The following FARS2 variants were observed in gnomAD, a reference collection of about 807,000 sequenced individuals.
FARS2 encodes the protein phenylalanine--tRNA ligase, mitochondrial.
In FARS2, 40 loss-of-function variants were observed where a neutral mutation model predicts 46.4. The observed-to-expected ratio is 0.86, with a 90% CI of 0.67 to 1.12. FARS2 has a LOEUF of 1.12. FARS2 is among the 50% of genes most tolerant of loss of function. The pLI is 0.00. For missense variants in FARS2, 513 were observed against 567.9 expected (o/e 0.90, Z 0.98); for synonymous variants, 234 against 214.9 (o/e 1.09, Z -0.78).
the FARS2 span, among the ~76,000 whole-genome samples, chr6:5,250,531 TG>T: frequency 0.021 from 3,207 of 152,220 alleles, 101 homozygotes; most frequent in African/African-American, 0.072. Flanking sequence ...GAGAAAAAAA[TG>T]TTTTTTGGAA....
intron 4 of FARS2, among the ~76,000 whole-genome samples, chr6:5,479,585 T>C (rs528603548): frequency 6.6e-6 from 1 of 152,340 alleles, no homozygotes; most frequent in African/African-American, 2.4e-5. Flanking sequence ...TAACTTCTAC[T>C]TTTACATTAT....
chr6:5,479,625 C>T (rs1363394192), intron 4 of FARS2, among the ~76,000 whole-genome samples: 3 of 152,172 alleles, frequency 2.0e-5, no homozygotes, highest in Non-Finnish European at 4.4e-5. Flanking sequence ...CTTCTTATAA[C>T]AAATGCTGTT....
At position 5,368,794 on chromosome 6, in the gene FARS2, G is replaced by T. The variant is rs367691523; in HGVS notation, c.224G>T (p.Gly75Val). 6.2e-7 allele frequency: 1 copy of T among 1,614,060 alleles called. No homozygotes were observed. The highest frequency in any genetic ancestry group is 8.5e-7 in the Non-Finnish European group (1 of 1,180,034). ...NLTRKVLTRV[G>V]RNLHNQQHHP... ...ACCCGGAAGGTCCTCACCAGAGTTG[G>T]CAGGAACCTGCACAACCAGCAGCAT... Residue 75 changes from glycine (G) to valine (V), a missense_variant, in exon 2 of 7, where the codon GGC becomes GTC. By Grantham distance (109) the Gly-to-Val change is moderately radical. Transcript: ENST00000274680.
intron 6 of FARS2, among the ~76,000 whole-genome samples, chr6:5,688,539 C>G (rs1000588817): frequency 1.3e-5 from 2 of 152,220 alleles, no homozygotes; most frequent in African/African-American, 4.8e-5. Context: ...CCTTGCATCC[C>G]AGGGATGAAG....
intron 3 of FARS2, among the ~76,000 whole-genome samples, chr6:5,406,486 A>G (rs1375394123): frequency 1.3e-5 from 2 of 152,184 alleles, no homozygotes; most frequent in Admixed American, 1.3e-4. Flanking sequence ...TTCTGGTGCC[A>G]TTAATCAGTT....
chr6:5,438,045 A>T (rs1459556714), intron 4 of FARS2, among the ~76,000 whole-genome samples: 2 of 151,636 alleles, frequency 1.3e-5, no homozygotes, highest in African/African-American at 4.8e-5. Flanking sequence ...GGATTGATGG[A>T]TTTTTATTTT....
intron 6 of FARS2, among the ~76,000 whole-genome samples, chr6:5,657,131 G>A (rs868056235): frequency 6.6e-6 from 1 of 151,856 alleles, no homozygotes; most frequent in Non-Finnish European, 1.5e-5. Context: ...TATATATAAA[G>A]GCCTTGTGAA....
chr6:5,404,756 G>T, intron 3 of FARS2, 55 bp downstream of exon 3: 44 of 1,017,212 alleles, frequency 4.3e-5, no homozygotes, highest in Non-Finnish European at 5.4e-5. Context: ...TGGGACAGAA[G>T]TGTTTTGGAT....
chr6:5,354,024 T>C (rs112183717), intron 1 of FARS2, among the ~76,000 whole-genome samples: 5 of 138,324 alleles, frequency 3.6e-5, no homozygotes, highest in African/African-American at 8.1e-5. Context: ...TTTTTTTTTT[T>C]CCTCCCAAAT....
intron 4 of FARS2, among the ~76,000 whole-genome samples, chr6:5,482,321 A>T (rs1244298113): frequency 1.3e-5 from 2 of 152,176 alleles, no homozygotes; most frequent in African/African-American, 4.8e-5. Context: ...GCATCTTATT[A>T]TCTCTGATTT....
chr6:5,695,284 A>C (rs1215107775), intron 6 of FARS2: 1 of 152,228 alleles, frequency 6.6e-6, no homozygotes, highest in Non-Finnish European at 1.5e-5. Context: ...CCTGCTTCCT[A>C]GGAAGTTACA....
At position 5,278,081 on chromosome 6, in the gene FARS2, C is replaced by T. The variant is rs1226662239; in HGVS notation, c.-22+16421C>T. 4.6e-5 allele frequency among the ~76,000 whole-genome samples: 7 copies of T among 152,164 alleles called. No homozygotes were observed. In the South Asian group the frequency reaches 6.2e-4, roughly 13 times the overall value. On this transcript the variant is annotated intron_variant, in intron 1 of 6. Transcript: ENST00000274680. ...CTCACATAAAGCAGCTGACTGTTGA[C>T]GTTTTCAGTTATCACAGTGTGATCC... is the stretch of plus-strand genomic sequence containing the variant.
intron 6 of FARS2, among the ~76,000 whole-genome samples, chr6:5,767,724 G>A (rs1016797927): frequency 6.6e-6 from 1 of 152,204 alleles, no homozygotes; most frequent in Non-Finnish European, 1.5e-5. Flanking sequence ...AAGAGGTGGT[G>A]TATGTGAATG....
intron 5 of FARS2, among the ~76,000 whole-genome samples, chr6:5,559,681 T>C (rs545095454): frequency 6.6e-6 from 1 of 152,272 alleles, no homozygotes; most frequent in Non-Finnish European, 1.5e-5. Context: ...TATATGGAAA[T>C]GTAGAGGGCC....
At chr6:5,528,315 T>A (rs73719630) in intron 4 of FARS2, among the ~76,000 whole-genome samples, 227 of 152,222 alleles carry the variant, frequency 1.5e-3, no homozygotes, top group African/African-American at 5.3e-3. Flanking sequence ...CAGGTACATA[T>A]ATGTCATTGT....
chr6:5,642,611 A>AT (rs1268802861), intron 6 of FARS2, among the ~76,000 whole-genome samples: 1 of 151,504 alleles, frequency 6.6e-6, no homozygotes, highest in African/African-American at 2.4e-5. Flanking sequence ...ATGGAAGATG[A>AT]TTTTTTAAAT....
intron 6 of FARS2, among the ~76,000 whole-genome samples, chr6:5,732,137 A>G (rs1760667501): frequency 6.6e-6 from 1 of 152,244 alleles, no homozygotes. Context: ...CACAGCAAAC[A>G]TTGCTCAGCA....
chr6:5,668,014 GC>G (rs1294482702), intron 6 of FARS2: 1 of 152,206 alleles, frequency 6.6e-6, no homozygotes, highest in Non-Finnish European at 1.5e-5. Context: ...TTACTTCGTA[GC>G]CCACTTTCCT....
At chr6:5,359,584 G>C (rs78445878) in intron 1 of FARS2, among the ~76,000 whole-genome samples, 3 of 152,188 alleles carry the variant, frequency 2.0e-5, no homozygotes, top group South Asian at 2.1e-4. Context: ...CCAAGTGCTT[G>C]TATAATTGTC....
Sources: gnomAD v4.1 joint callset for allele counts (sites outside exome capture counted in the v4.1 genomes callset) on GRCh38, gnomAD v4.1.1 for gene constraint, MANE v1.5 for transcripts, NCBI Gene and HGNC (gene_info 2026-07-23, HGNC 2026-07-21) for gene names.